AK8: variants seen among roughly 807,000 people sequenced by gnomAD.
The protein encoded by AK8 is adenylate kinase 8.
Under a neutral mutation model 54.6 loss-of-function variants are expected in AK8, and 44 were observed. The ratio of observed to expected loss-of-function variants is 0.81; its 90% CI spans 0.63 to 1.04. The LOEUF (loss-of-function observed/expected upper bound fraction) is 1.04. Among genes scored for constraint, AK8 ranks in the 50% least tolerant of loss-of-function variants. The probability of loss-of-function intolerance (pLI) is 0.00; values close to 1 mark genes in which losing one functional copy is unlikely to be tolerated. For missense variants in AK8, 555 were observed against 613.6 expected, an observed-to-expected ratio of 0.90 and a Z score of 1.01; for synonymous variants, 239 against 245.6, an observed-to-expected ratio of 0.97 and a Z score of 0.25.
intron 3 of AK8, among the ~76,000 whole-genome samples, chr9:132,866,015 T>C (rs1003364166): frequency 2.0e-5 from 3 of 151,556 alleles, no homozygotes; most frequent in Non-Finnish European, 4.4e-5. Context: ...CTGGACGACA[T>C]GGTGAAGCCC....
chr9:132,735,894 G>T (rs939859786), intron 11 of AK8, among the ~76,000 whole-genome samples: 2 of 152,250 alleles, frequency 1.3e-5, no homozygotes, highest in African/African-American at 4.8e-5. Context: ...CACGTTCTGA[G>T]AAATGTGTTG....
At chr9:132,730,510 A>G (rs1836789045) in intron 11 of AK8, among the ~76,000 whole-genome samples, 1 of 147,580 alleles carries the variant, frequency 6.8e-6, no homozygotes, top group African/African-American at 2.5e-5. Context: ...CTAAAACCCT[A>G]GGGTTGGGCG....
chr9:132,813,429 C>T (rs1336762809), intron 10 of AK8, among the ~76,000 whole-genome samples: 3 of 152,200 alleles, frequency 2.0e-5, no homozygotes, highest in Non-Finnish European at 4.4e-5. Context: ...AGGAGAAGGC[C>T]ACAAGCTTCC....
intron 5 of AK8, among the ~76,000 whole-genome samples, chr9:132,836,568 A>G (rs1842332209): frequency 6.6e-6 from 1 of 152,138 alleles, no homozygotes; most frequent in African/African-American, 2.4e-5. Context: ...CTTTTTTTGA[A>G]ACTGGGGTCT....
At chr9:132,818,806 C>T (rs993979335) in intron 9 of AK8, among the ~76,000 whole-genome samples, 3 of 151,494 alleles carry the variant, frequency 2.0e-5, no homozygotes, top group African/African-American at 7.3e-5. Context: ...TATGATTGCA[C>T]CACTGTACTC....
intron 11 of AK8, among the ~76,000 whole-genome samples, chr9:132,734,538 C>G (rs1197741116): frequency 6.6e-6 from 1 of 152,164 alleles, no homozygotes; most frequent in Non-Finnish European, 1.5e-5. Flanking sequence ...GAGTTCAAGA[C>G]CAACCTGGGC....
intron 5 of AK8, among the ~76,000 whole-genome samples, chr9:132,834,583 C>T (rs1842240663): frequency 6.6e-6 from 1 of 152,188 alleles, no homozygotes; most frequent in African/African-American, 2.4e-5. Flanking sequence ...CCTTAACTTG[C>T]TCTGATTCCT....
At chr9:132,810,112 C>A (rs895226781) in intron 10 of AK8, among the ~76,000 whole-genome samples, 1 of 152,204 alleles carries the variant, frequency 6.6e-6, no homozygotes, top group Non-Finnish European at 1.5e-5. Flanking sequence ...AATGTAAATG[C>A]ATTCTTTGTT....
chr9:132,856,765 G>A (rs776830207), intron 4 of AK8, among the ~76,000 whole-genome samples: 1 of 152,180 alleles, frequency 6.6e-6, no homozygotes, highest in Non-Finnish European at 1.5e-5. Flanking sequence ...CAGCCACTTC[G>A]TGGGCATGAC....
intron 11 of AK8, among the ~76,000 whole-genome samples, chr9:132,788,198 A>G (rs948931367): frequency 6.6e-6 from 1 of 152,212 alleles, no homozygotes; most frequent in African/African-American, 2.4e-5. Flanking sequence ...AAAATCAAAA[A>G]GAAAGGAAAG....
chr9:132,745,688 G>GTA (rs1241332284), intron 11 of AK8, among the ~76,000 whole-genome samples: 1 of 152,090 alleles, frequency 6.6e-6, no homozygotes, highest in Admixed American at 6.5e-5. Context: ...ACAGCCCCCT[G>GTA]TATTGTTCAC....
In AK8 at chr9:132,800,722, T is replaced by G. The variant is rs1036292713; in HGVS notation, c.980-7947A>C. On this transcript the variant is annotated intron_variant, in intron 10 of 12. Transcript: ENST00000298545. Reference sequence around the variant, plus strand: ...TTTCAAGACCAGAGAAGTCAGTACATCAGCCCTGGGTGCCCTGCAGACTAG... The same window carrying G: ...TTTCAAGACCAGAGAAGTCAGTACAGCAGCCCTGGGTGCCCTGCAGACTAG... Among the ~76,000 whole-genome samples, 3 of 152,164 alleles carry G rather than the reference T, an allele frequency of 2.0e-5. No homozygotes were observed. In the East Asian group the frequency reaches 5.8e-4, roughly 29 times the overall value.
At chr9:132,878,686 G>A, upstream of AK8, 1 of 992,204 alleles carries the variant, frequency 1.0e-6, no homozygotes, top group Non-Finnish European at 1.2e-6. This position sits in a 1 kb window ranked among gnomAD's most constrained non-coding sequence, Gnocchi z 4.7. Flanking sequence ...TGTGGGGGAG[G>A]GTGTTTGAAG....
intron 3 of AK8, among the ~76,000 whole-genome samples, chr9:132,864,520 C>T (rs190278349): frequency 5.4e-4 from 83 of 152,316 alleles, no homozygotes; most frequent in Non-Finnish European, 9.3e-4. Flanking sequence ...CAGGCAGATC[C>T]CCTTTTCTGA....
At chr9:132,788,825 C>T (rs762850082) in intron 11 of AK8, among the ~76,000 whole-genome samples, 17 of 152,052 alleles carry the variant, frequency 1.1e-4, no homozygotes, top group African/African-American at 1.9e-4. Context: ...AGAAAATCTA[C>T]GAAATTTTCA....
chr9:132,785,083 AG>A (rs1412305424), intron 11 of AK8, among the ~76,000 whole-genome samples: 3 of 150,266 alleles, frequency 2.0e-5, no homozygotes, highest in Non-Finnish European at 4.4e-5. Context: ...GGGGATGAGG[AG>A]GCAGTACATG....
intron 11 of AK8, among the ~76,000 whole-genome samples, chr9:132,739,709 C>T (rs1837280198): frequency 6.6e-6 from 1 of 152,096 alleles, no homozygotes; most frequent in Non-Finnish European, 1.5e-5. Flanking sequence ...GCCTGAGCAA[C>T]ACAGTGAGAC....
At chr9:132,746,793 A>G (rs1057482846) in intron 11 of AK8, among the ~76,000 whole-genome samples, 2 of 152,164 alleles carry the variant, frequency 1.3e-5, no homozygotes, top group Non-Finnish European at 2.9e-5. Flanking sequence ...TGAGGCGAGC[A>G]CTCAGTCTCT....
intron 11 of AK8, among the ~76,000 whole-genome samples, chr9:132,749,376 C>T (rs1052476824): frequency 1.3e-5 from 2 of 151,892 alleles, no homozygotes; most frequent in Non-Finnish European, 2.9e-5. Context: ...TCTGGCCTGC[C>T]ATAACCACTG....
Sources: allele counts gnomAD v4.1 joint callset (sites outside exome capture counted in the v4.1 genomes callset), GRCh38; gene constraint gnomAD v4.1.1; non-coding constraint Gnocchi (gnomAD v3.1); transcripts MANE v1.5; gene names NCBI Gene and HGNC (gene_info 2026-07-23, HGNC 2026-07-21).